Variants in TRABD2B observed in about 807,000 individuals in gnomAD.
TRABD2B encodes metalloprotease TIKI2.
A neutral mutation model predicts 40.1 loss-of-function variants in TRABD2B; 14 were observed. That is an observed-to-expected ratio of 0.35 (90% CI 0.23 to 0.55). The LOEUF is 0.55. TRABD2B is among the 20% of genes least tolerant of loss of function. TRABD2B has a pLI of 0.90. For missense variants in TRABD2B, 541 were observed against 648.6 expected (o/e 0.83, Z 1.80); for synonymous variants, 263 against 277.0 (o/e 0.95, Z 0.50).
chr1:47,965,064 A>G (rs1570380531), intron 2 of TRABD2B, among the ~76,000 whole-genome samples: 1 of 151,834 alleles, frequency 6.6e-6, no homozygotes, highest in African/African-American at 2.4e-5. Context: ...AGCATTGCAC[A>G]TGATTCTTCC....
At chr1:47,816,989 C>T (rs567483020) in intron 2 of TRABD2B, among the ~76,000 whole-genome samples, 5 of 152,106 alleles carry the variant, frequency 3.3e-5, no homozygotes, top group African/African-American at 7.2e-5. Flanking sequence ...GCAGATGTAA[C>T]GAGAGTGGGG....
chr1:47,919,077 T>C (rs1159327072), intron 2 of TRABD2B, among the ~76,000 whole-genome samples: 1 of 152,220 alleles, frequency 6.6e-6, no homozygotes. Flanking sequence ...TACTGTACAA[T>C]CATTGTGTGT....
At chr1:47,876,624 C>T (rs1356805820) in intron 2 of TRABD2B, among the ~76,000 whole-genome samples, 1 of 152,194 alleles carries the variant, frequency 6.6e-6, no homozygotes, top group African/African-American at 2.4e-5. Flanking sequence ...AGCCATAGCC[C>T]TGTTCCTCAG....
At chr1:47,833,418 G>C (rs1645275862) in intron 2 of TRABD2B, among the ~76,000 whole-genome samples, 1 of 152,246 alleles carries the variant, frequency 6.6e-6, no homozygotes, top group Non-Finnish European at 1.5e-5. Context: ...AACTTTCCCA[G>C]ATAGGGCAGT....
At chr1:47,850,410 T>C (rs1472329144) in intron 2 of TRABD2B, among the ~76,000 whole-genome samples, 1 of 152,240 alleles carries the variant, frequency 6.6e-6, no homozygotes, top group Non-Finnish European at 1.5e-5. Flanking sequence ...ATATGGAAGC[T>C]TGGCCAAAAT....
intron 2 of TRABD2B, among the ~76,000 whole-genome samples, chr1:47,851,674 G>A (rs2124522427): frequency 6.6e-6 from 1 of 152,324 alleles, no homozygotes; most frequent in Admixed American, 6.5e-5. Flanking sequence ...CAATGGGAGT[G>A]ACAATCCCCA....
At chr1:47,947,207 C>T (rs80238206) in intron 2 of TRABD2B, among the ~76,000 whole-genome samples, 9,549 of 152,264 alleles carry the variant, frequency 0.063, 426 homozygotes, top group Non-Finnish European at 0.084. Context: ...ATTTTGTCAT[C>T]TCTACTAATG....
At chr1:47,910,482 A>G (rs1644747720) in intron 2 of TRABD2B, among the ~76,000 whole-genome samples, 1 of 152,160 alleles carries the variant, frequency 6.6e-6, no homozygotes, top group African/African-American at 2.4e-5. Context: ...ACAAAGTTCT[A>G]GGATGGCCAT....
chr1:47,906,751 G>C (rs1371753488), intron 2 of TRABD2B, among the ~76,000 whole-genome samples: 2 of 152,236 alleles, frequency 1.3e-5, no homozygotes, highest in East Asian at 1.9e-4. Context: ...ATCTTGGCTA[G>C]GATGGCCTGT....
At chr1:47,967,046 G>A (rs1269329256) in intron 2 of TRABD2B, among the ~76,000 whole-genome samples, 1 of 152,174 alleles carries the variant, frequency 6.6e-6, no homozygotes, top group Non-Finnish European at 1.5e-5. Flanking sequence ...CTTGGCAGAT[G>A]TTTAAATCCC....
intron 2 of TRABD2B, among the ~76,000 whole-genome samples, chr1:47,922,781 T>G (rs1009663544): frequency 2.6e-5 from 4 of 152,222 alleles, no homozygotes; most frequent in Admixed American, 2.0e-4. Flanking sequence ...ACTTATTTCC[T>G]AAGTTTCCAC....
Position 47,945,239 on chromosome 1 carries a change from C to T in TRABD2B, c.666+48795G>A, listed in dbSNP as rs150579655. Among the ~76,000 whole-genome samples, 512 of 152,204 alleles carry T rather than the reference C, an allele frequency of 3.4e-3. 1 individual carries two copies. The highest frequency in any genetic ancestry group is 5.4e-3 in the Non-Finnish European group (366 of 68,022). On this transcript the variant is annotated intron_variant, in intron 2 of 6. Coordinates refer to ENST00000606738, the MANE Select transcript of TRABD2B (RefSeq NM_001194986.2). The stretch of plus-strand genomic sequence containing the variant: ...GCAATGTTGCCATGTTCCAGGGAGA[C>T]GATGAGCCCCCAGGCACATCTTGGA...
chr1:47,848,016 C>T (rs1403860393), intron 2 of TRABD2B, among the ~76,000 whole-genome samples: 5 of 152,184 alleles, frequency 3.3e-5, no homozygotes, highest in Non-Finnish European at 7.3e-5. Flanking sequence ...TTCTAAGAGA[C>T]GTCTCTCTCC....
At chr1:47,917,235 C>G (rs187438781) in intron 2 of TRABD2B, among the ~76,000 whole-genome samples, 20 of 152,286 alleles carry the variant, frequency 1.3e-4, no homozygotes, top group Non-Finnish European at 2.4e-4. Flanking sequence ...CCCCGGAAAC[C>G]CTTAGAAAGT....
At chr1:47,772,649 G>T (rs1189341233) in intron 6 of TRABD2B, among the ~76,000 whole-genome samples, 1 of 152,130 alleles carries the variant, frequency 6.6e-6, no homozygotes, top group Admixed American at 6.5e-5. Context: ...CCCAAAAATG[G>T]TTTTGTTAGA....
chr1:47,954,704 G>A (rs1308037817), intron 2 of TRABD2B, among the ~76,000 whole-genome samples: 1 of 152,188 alleles, frequency 6.6e-6, no homozygotes, highest in African/African-American at 2.4e-5. Flanking sequence ...GATTTCAGCA[G>A]AGGGGCCAGG....
At position 47,970,169 on chromosome 1, in the gene TRABD2B, T is replaced by C. The variant is rs1456498461; in HGVS notation, c.666+23865A>G. Reference sequence around the variant, plus strand: ...TTGTTATCAAGTGCCTGGACAATTCTGTTACACATATATTCATTCAACAAA... The same window carrying C: ...TTGTTATCAAGTGCCTGGACAATTCCGTTACACATATATTCATTCAACAAA... On this transcript the variant is annotated intron_variant, in intron 2 of 6. Coordinates refer to ENST00000606738, the MANE Select transcript of TRABD2B (RefSeq NM_001194986.2). Among the ~76,000 whole-genome samples the C allele has an allele frequency of 3.3e-5, 5 of 152,128 alleles. No homozygotes were observed. The South Asian group carries it at 6.2e-4, about 19-fold the overall frequency.
At chr1:47,841,885 C>A (rs1013129947) in intron 2 of TRABD2B, among the ~76,000 whole-genome samples, 1 of 150,990 alleles carries the variant, frequency 6.6e-6, no homozygotes. Context: ...CAGTTCTCTG[C>A]CTCAGCTTCC....
At chr1:47,833,124 T>C (rs1570077004) in intron 2 of TRABD2B, among the ~76,000 whole-genome samples, 1 of 152,228 alleles carries the variant, frequency 6.6e-6, no homozygotes, top group Non-Finnish European at 1.5e-5. Flanking sequence ...ACACAGATGC[T>C]TGGACCAGGC....
Sources: allele counts gnomAD v4.1 joint callset (sites outside exome capture counted in the v4.1 genomes callset), GRCh38; gene constraint gnomAD v4.1.1; transcripts MANE v1.5; gene names NCBI Gene and HGNC (gene_info 2026-07-23, HGNC 2026-07-21).